GPM6A: variants seen among roughly 807,000 people sequenced by gnomAD.
The protein encoded by GPM6A is neuronal membrane glycoprotein M6-a.
In GPM6A, 7 loss-of-function variants were observed where a neutral mutation model predicts 32.1. The observed-to-expected ratio is 0.22, with a 90% CI of 0.12 to 0.41. The LOEUF is 0.41. GPM6A is among the 10% of genes least tolerant of loss of function. GPM6A has a pLI of 1.00. For missense variants in GPM6A, 235 were observed against 347.2 expected (o/e 0.68, Z 2.57); for synonymous variants, 130 against 123.4 (o/e 1.05, Z -0.35).
intron 2 of GPM6A, among the ~76,000 whole-genome samples, chr4:175,690,799 T>C (rs1744253764): frequency 6.6e-6 from 1 of 152,278 alleles, no homozygotes; most frequent in African/African-American, 2.4e-5. Context: ...TGTTTTGCCA[T>C]AAAAGGTAAC....
At position 175,640,322 on chromosome 4, in the gene GPM6A, C is replaced by T. The variant is rs1741067539; in HGVS notation, c.619-128G>A. Reference sequence around the variant, plus strand: ...AAAAGCGAGCCTGTGATAAATCACCCACCTGATTAAAACAGATTATTACAA... The same window carrying T: ...AAAAGCGAGCCTGTGATAAATCACCTACCTGATTAAAACAGATTATTACAA... On this transcript the variant is annotated intron_variant, in intron 5 of 6. Coordinates refer to ENST00000393658, the MANE Select transcript of GPM6A (RefSeq NM_201591.3). The T allele has an allele frequency of 2.2e-5, 16 of 717,512 alleles. No homozygotes were observed. In the East Asian group the frequency reaches 4.0e-4, roughly 18 times the overall value. The allele number at this position is 717,512 out of a possible 1,614,324, so 44.4% of individuals were successfully genotyped here.
intron 1 of GPM6A, among the ~76,000 whole-genome samples, chr4:175,957,028 A>G (rs1338214410): frequency 1.3e-5 from 2 of 152,218 alleles, no homozygotes; most frequent in African/African-American, 4.8e-5. Flanking sequence ...AATTGTTCAT[A>G]TAAGCGTAGG....
In GPM6A at chr4:175,797,912, T is replaced by C. The variant is rs541463113; in HGVS notation, c.37+14279A>G. On this transcript the variant is annotated intron_variant, in intron 1 of 6. Transcript: ENST00000393658. Reference sequence around the variant, plus strand: ...CAATTGGGAAAGCTACCAGGGTTTTTAACCAATAATCTACAAGACTCTAAG... The same window carrying C: ...CAATTGGGAAAGCTACCAGGGTTTTCAACCAATAATCTACAAGACTCTAAG... 2.0e-5 allele frequency among the ~76,000 whole-genome samples: 3 copies of C among 152,272 alleles called. No homozygotes were observed. The East Asian group carries it at 5.8e-4, about 29-fold the overall frequency.
intron 1 of GPM6A, among the ~76,000 whole-genome samples, chr4:175,923,530 T>C (rs1738737819): frequency 2.0e-5 from 3 of 151,438 alleles, no homozygotes; most frequent in Admixed American, 2.0e-4. Context: ...TTGGGGTTTT[T>C]TTTGTTGCTT....
intron 1 of GPM6A, among the ~76,000 whole-genome samples, chr4:175,954,008 G>GCTGA (rs1294737231): frequency 6.6e-6 from 1 of 152,118 alleles, no homozygotes; most frequent in Non-Finnish European, 1.5e-5. Context: ...CCTGAGAAAT[G>GCTGA]CTGACAGCAC....
intron 2 of GPM6A, among the ~76,000 whole-genome samples, chr4:175,697,616 G>A (rs1744653167): frequency 6.6e-6 from 1 of 152,082 alleles, no homozygotes. Flanking sequence ...AAAATTAAGG[G>A]ATTAAAAGCT....
intron 3 of GPM6A, among the ~76,000 whole-genome samples, chr4:175,655,453 T>C (rs1005690087): frequency 1.3e-5 from 2 of 152,068 alleles, no homozygotes; most frequent in African/African-American, 2.4e-5. Context: ...AAATAAAATA[T>C]TGCATAATTA....
chr4:175,773,488 AG>A (rs1415647055), intron 1 of GPM6A, among the ~76,000 whole-genome samples: 1 of 152,210 alleles, frequency 6.6e-6, no homozygotes, highest in African/African-American at 2.4e-5. Flanking sequence ...GAGCTAAAAA[AG>A]GATGATTCTC....
intron 1 of GPM6A, among the ~76,000 whole-genome samples, chr4:175,727,157 T>C (rs1277241002): frequency 1.3e-5 from 2 of 152,210 alleles, no homozygotes; most frequent in East Asian, 1.9e-4. Context: ...ATAGCACTAA[T>C]TGACATTATG....
At chr4:175,673,932 G>T in intron 2 of GPM6A, 96 bp from the exon 3 acceptor site, 1 of 745,154 alleles carries the variant, frequency 1.3e-6, no homozygotes, top group Non-Finnish European at 2.1e-6. Flanking sequence ...TGGAATGAAA[G>T]TTATAGAATA....
chr4:175,963,022 G>T (rs1740215881), intron 1 of GPM6A, among the ~76,000 whole-genome samples: 2 of 151,628 alleles, frequency 1.3e-5, no homozygotes, highest in South Asian at 4.2e-4. Context: ...TGACAGAAAT[G>T]AAGTCTACCT....
At chr4:175,719,213 T>G (rs1745993015) in intron 1 of GPM6A, among the ~76,000 whole-genome samples, 1 of 152,100 alleles carries the variant, frequency 6.6e-6, no homozygotes, top group African/African-American at 2.4e-5. Context: ...CTTTTTTTTT[T>G]TTTTTAGAAG....
At chr4:175,803,583 C>T (rs1734564789) in intron 1 of GPM6A, among the ~76,000 whole-genome samples, 2 of 152,026 alleles carry the variant, frequency 1.3e-5, no homozygotes, top group African/African-American at 2.4e-5. Flanking sequence ...TTACATCTAA[C>T]TCACATTAAA....
chr4:175,655,081 A>T (rs1323454240), intron 3 of GPM6A, among the ~76,000 whole-genome samples: 3 of 152,152 alleles, frequency 2.0e-5, no homozygotes, highest in Non-Finnish European at 2.9e-5. Context: ...GAAAGGTCTA[A>T]CTTCTGAAAC....
At chr4:175,991,389 G>T (rs1486436872) in intron 1 of GPM6A, among the ~76,000 whole-genome samples, 2 of 151,684 alleles carry the variant, frequency 1.3e-5, no homozygotes, top group African/African-American at 4.8e-5. Context: ...TCTTGCTTTA[G>T]ATAGGAAAAA....
chr4:175,764,409 T>C (rs748765417), intron 1 of GPM6A, among the ~76,000 whole-genome samples: 1 of 152,224 alleles, frequency 6.6e-6, no homozygotes, highest in Non-Finnish European at 1.5e-5. Context: ...TGTTTATTCA[T>C]TCATCAGGTG....
At chr4:175,947,339 G>A (rs1003421082) in intron 1 of GPM6A, among the ~76,000 whole-genome samples, 15 of 151,972 alleles carry the variant, frequency 9.9e-5, no homozygotes, top group African/African-American at 3.6e-4. Flanking sequence ...TTCGACTGAA[G>A]AAAGTCATTT....
chr4:175,746,742 G>A (rs997048824), intron 1 of GPM6A, among the ~76,000 whole-genome samples: 1 of 152,040 alleles, frequency 6.6e-6, no homozygotes, highest in African/African-American at 2.4e-5. Context: ...TAGATGATAA[G>A]GCTATCTTCT....
intron 1 of GPM6A, among the ~76,000 whole-genome samples, chr4:175,904,990 A>G (rs1738085096): frequency 6.6e-6 from 1 of 152,142 alleles, no homozygotes; most frequent in Non-Finnish European, 1.5e-5. Flanking sequence ...TACAAAAGGG[A>G]GATTAACAGG....
Sources: gnomAD v4.1 joint callset for allele counts (sites outside exome capture counted in the v4.1 genomes callset) on GRCh38, gnomAD v4.1.1 for gene constraint, MANE v1.5 for transcripts, NCBI Gene and HGNC (gene_info 2026-07-23, HGNC 2026-07-21) for gene names.